The following PIK3C2B variants were observed in gnomAD, a reference collection of about 807,000 sequenced individuals.
PIK3C2B encodes phosphatidylinositol-4-phosphate 3-kinase catalytic subunit type 2 beta.
PIK3C2B carries 83 observed loss-of-function variants against 184.3 expected under a neutral mutation model. The ratio of observed to expected loss-of-function variants is 0.45; its 90% CI spans 0.38 to 0.54. The LOEUF (loss-of-function observed/expected upper bound fraction) is 0.54, where lower values mean the gene tolerates loss of function less well. PIK3C2B is among the 20% of genes least tolerant of loss of function. The probability of loss-of-function intolerance (pLI) is 0.00; values close to 1 mark genes in which losing one functional copy is unlikely to be tolerated. For missense variants in PIK3C2B, 1,736 were observed against 2,113.5 expected (o/e 0.82, Z 3.50); for synonymous variants, 779 against 837.6 (o/e 0.93, Z 1.21).
chr1:204,469,692 C>A lies in PIK3C2B; in HGVS notation c.111G>T (p.Leu37=). The change falls in exon 2 of 33, where the codon CTG becomes CTT. Residue 37 remains leucine (L), a synonymous_variant. Coordinates refer to ENST00000684373, the MANE Select transcript of PIK3C2B (RefSeq NM_001377334.1). ...CCTCCTTGTCATGCCGGAGCCGGGACAGGGCATCATACTCCATCTGCAGGG... is the reference window on the plus strand; with the variant it reads ...CCTCCTTGTCATGCCGGAGCCGGGAAAGGGCATCATACTCCATCTGCAGGG... ...AEALQMEYDA[L]SRLRHDKEEN... 6.2e-7 allele frequency: 1 copy of A among 1,614,086 alleles called. No individual in the cohort carries two copies. Among genetic ancestry groups the A allele is most frequent in the East Asian group, 2.2e-5 (1 of 44,866 alleles).
At chr1:204,476,650 G>A (rs908666590) in intron 1 of PIK3C2B, among the ~76,000 whole-genome samples, 1 of 152,250 alleles carries the variant, frequency 6.6e-6, no homozygotes, top group Admixed American at 6.5e-5. Context: ...TCGGTCCCTT[G>A]AAAGAGGAAG....
Position 204,443,570 on chromosome 1 carries a change from A to G in PIK3C2B, c.2895T>C (p.Ser965=). Residue 965 remains serine, a synonymous_variant, in exon 19 of 33, where the codon TCT becomes TCC. Transcript: ENST00000684373. ...FWLLKDGLKD[S]QFSIRYQYLL... The stretch of plus-strand genomic sequence containing the variant: ...GATACTGGTAGCGGATGCTGAACTG[A>G]GAGTCCTTGAGGCCGTCCTTCAGTA... The G allele has an allele frequency of 1.9e-6, 3 of 1,614,228 alleles. No individual in the cohort carries two copies. The highest frequency in any genetic ancestry group is 2.5e-6 in the Non-Finnish European group (3 of 1,180,040).
chr1:204,424,801 C>T lies in PIK3C2B; in HGVS notation c.*51G>A. ...GGAGTCTCACAGGGGAGAGTCCTCTCCCCCAGCTCCTGCCACCAGCCTGGG... is the reference window on the plus strand; with the variant it reads ...GGAGTCTCACAGGGGAGAGTCCTCTTCCCCAGCTCCTGCCACCAGCCTGGG... On this transcript the variant is annotated 3_prime_UTR_variant, in exon 33 of 33. Transcript: ENST00000684373. 6.3e-7 allele frequency: 1 copy of T among 1,583,110 alleles called. No homozygotes were observed. The highest frequency in any genetic ancestry group is 1.1e-5 in the South Asian group (1 of 90,374).
At chr1:204,483,063 C>A (rs1046416143) in intron 1 of PIK3C2B, among the ~76,000 whole-genome samples, 5 of 152,162 alleles carry the variant, frequency 3.3e-5, no homozygotes, top group Admixed American at 3.3e-4. Context: ...AAAGCCATGG[C>A]TACCACTGGG....
chr1:204,431,799 A>G lies in PIK3C2B; in HGVS notation c.4156-6T>C, dbSNP rs1293704437. 6.2e-7 allele frequency: 1 copy of G among 1,614,184 alleles called. No individual in the cohort carries two copies. Among genetic ancestry groups the G allele is most frequent in the Non-Finnish European group, 8.5e-7 (1 of 1,180,022 alleles). The stretch of plus-strand genomic sequence containing the variant: ...ATCACCTTTACCACATATATCTGCA[A>G]AGGTCCAGATCTTAGGGTGTACCTG... On this transcript the variant is annotated splice_region_variant and splice_polypyrimidine_tract_variant and intron_variant, in intron 27 of 32. Coordinates refer to ENST00000684373, the MANE Select transcript of PIK3C2B (RefSeq NM_001377334.1).
chr1:204,457,877 G>T lies in PIK3C2B; in HGVS notation c.1567-3C>A. On this transcript the variant is annotated splice_region_variant and splice_polypyrimidine_tract_variant and intron_variant, in intron 8 of 32. Transcript: ENST00000684373. ...TCAGCCTTCAGTGGGAAGTCTCCCTGTGGGAGGTGGCACAGTGAGGCTGGC... is the reference window on the plus strand; with the variant it reads ...TCAGCCTTCAGTGGGAAGTCTCCCTTTGGGAGGTGGCACAGTGAGGCTGGC... 6.2e-7 allele frequency: 1 copy of T among 1,611,856 alleles called. No individual in the cohort carries two copies. The highest frequency in any genetic ancestry group is 8.5e-7 in the Non-Finnish European group (1 of 1,179,504).
chr1:204,446,546 G>A (rs1214822183), intron 15 of PIK3C2B, among the ~76,000 whole-genome samples: 5 of 152,186 alleles, frequency 3.3e-5, no homozygotes, highest in Non-Finnish European at 7.4e-5. Flanking sequence ...AGGGCACCAC[G>A]CTCAATAGAA....
chr1:204,456,895 CA>C (rs1654895124), intron 10 of PIK3C2B, 141 bp downstream of exon 10: 13 of 544,518 alleles, frequency 2.4e-5, no homozygotes, highest in South Asian at 8.7e-5. Context: ...CACACACACA[CA>C]CACACACACA....
Position 204,469,884 on chromosome 1 carries a change from C to T in PIK3C2B, c.-82G>A, listed in dbSNP as rs61760618. Reference sequence around the variant, plus strand: ...GGAGGGTTGTGACATGGTGTCTGGGCGCCTGCAGGTGAGGGGTAAAAATAT... The same window carrying T: ...GGAGGGTTGTGACATGGTGTCTGGGTGCCTGCAGGTGAGGGGTAAAAATAT... On this transcript the variant is annotated splice_region_variant and 5_prime_UTR_variant, in exon 2 of 33. Coordinates refer to ENST00000684373, the MANE Select transcript of PIK3C2B (RefSeq NM_001377334.1). 1,849 of 840,660 alleles carry T rather than the reference C, an allele frequency of 2.2e-3. 8 individuals are homozygous for T. The highest frequency in any genetic ancestry group is 2.9e-3 in the Non-Finnish European group (1,470 of 508,798). The allele number at this position is 840,660 out of a possible 1,614,324, so 52.1% of individuals were successfully genotyped here. A position where few individuals can be genotyped will look rare whatever the true frequency, so the allele number is the denominator to read the frequency against.
At chr1:204,468,800 G>T in intron 2 of PIK3C2B, 70 bp downstream of exon 2, 1 of 1,331,338 alleles carries the variant, frequency 7.5e-7, no homozygotes, top group Non-Finnish European at 1.0e-6. Context: ...ATGTAGAACA[G>T]CAGAGACTAG....
intron 1 of PIK3C2B, among the ~76,000 whole-genome samples, chr1:204,483,664 TGTCA>T (rs1657370167): frequency 6.6e-6 from 1 of 152,200 alleles, no homozygotes; most frequent in African/African-American, 2.4e-5. Context: ...CAAAGAATCA[TGTCA>T]ATTAGTTTTG....
In PIK3C2B at chr1:204,442,609, C is replaced by A. The variant is rs1441459554; in HGVS notation, c.3073G>T (p.Glu1025Ter). 6.4e-7 allele frequency: 1 copy of A among 1,553,254 alleles called. No homozygotes were observed. Among genetic ancestry groups the A allele is most frequent in the Non-Finnish European group, 8.7e-7 (1 of 1,147,668 alleles). Residue 1025 changes from glutamate (E) to a stop codon, truncating the protein, a stop_gained, in exon 20 of 33, where the codon GAG becomes TAG. Coordinates refer to ENST00000684373, the MANE Select transcript of PIK3C2B (RefSeq NM_001377334.1). LOFTEE classifies it high-confidence loss of function. ...RQGILRTGLE[E>*]VKQFFALNGS... Reference sequence around the variant, plus strand: ...TTGAGGGCAAAGAACTGCTTCACCTCCTCCAGGCCCGTGCGGAGGATTCCC... The same window carrying A: ...TTGAGGGCAAAGAACTGCTTCACCTACTCCAGGCCCGTGCGGAGGATTCCC...
At chr1:204,465,502 C>G (rs773821399) in intron 2 of PIK3C2B, among the ~76,000 whole-genome samples, 183 bp from the exon 3 acceptor site, 10 of 152,174 alleles carry the variant, frequency 6.6e-5, no homozygotes, top group Admixed American at 4.6e-4. Flanking sequence ...CCTAGGAGAC[C>G]AGGAGCCAAG....
chr1:204,425,080 G>T, intron 32 of PIK3C2B, 40 bp from the exon 33 acceptor site: 1 of 1,551,532 alleles, frequency 6.4e-7, no homozygotes. Context: ...GGTGAGAGAA[G>T]GAACAAGAAG....
At chr1:204,491,877 C>A (rs1418823414) in intron 1 of PIK3C2B, among the ~76,000 whole-genome samples, 1 of 152,172 alleles carries the variant, frequency 6.6e-6, no homozygotes, top group Non-Finnish European at 1.5e-5. Flanking sequence ...TCTCTATAGG[C>A]AGTAGCCAGC....
At chr1:204,494,079 G>C (rs1284600808) in intron 1 of PIK3C2B, among the ~76,000 whole-genome samples, 3 of 152,236 alleles carry the variant, frequency 2.0e-5, no homozygotes, top group African/African-American at 4.8e-5. Flanking sequence ...TAGCGAGAAG[G>C]GGGTGGGGAC....
intron 1 of PIK3C2B, among the ~76,000 whole-genome samples, chr1:204,491,729 C>T (rs1354968376): frequency 6.6e-6 from 1 of 152,216 alleles, no homozygotes; most frequent in Non-Finnish European, 1.5e-5. Context: ...GACCCAATAT[C>T]TCTCTGAGTA....
intron 1 of PIK3C2B, among the ~76,000 whole-genome samples, chr1:204,474,901 T>G (rs891727354): frequency 6.6e-6 from 1 of 152,032 alleles, no homozygotes; most frequent in Non-Finnish European, 1.5e-5. Context: ...TCCCCCAAGC[T>G]AAAAATCCTG....
chr1:204,446,540 C>A (rs1389703478), intron 15 of PIK3C2B, among the ~76,000 whole-genome samples: 2 of 152,190 alleles, frequency 1.3e-5, no homozygotes, highest in African/African-American at 4.8e-5. Flanking sequence ...GCCCTGAGGG[C>A]ACCACGCTCA....
Sources: gnomAD v4.1 joint callset for allele counts (sites outside exome capture counted in the v4.1 genomes callset) on GRCh38, gnomAD v4.1.1 for gene constraint, MANE v1.5 for transcripts, NCBI Gene and HGNC (gene_info 2026-07-23, HGNC 2026-07-21) for gene names.